The following MYO18B variants were observed in gnomAD, a reference collection of about 807,000 sequenced individuals.
MYO18B encodes the protein myosin XVIIIB.
Under a neutral mutation model 273.0 loss-of-function variants are expected in MYO18B, and 204 were observed. That is an observed-to-expected ratio of 0.75 (90% CI 0.67 to 0.84). The LOEUF (loss-of-function observed/expected upper bound fraction) is 0.84, where lower values mean the gene tolerates loss of function less well. Ranked by LOEUF, MYO18B falls within the 40% of genes least tolerant of loss-of-function variation. The pLI, the probability that MYO18B is intolerant of heterozygous loss-of-function variation, is 0.00. For synonymous variants in MYO18B, 1,330 were observed against 1,305.7 expected (o/e 1.02, Z -0.40); for missense variants, 3,212 against 3,287.6 (o/e 0.98, Z 0.56).
chr22:25,939,503 T>C (rs777934992), intron 34 of MYO18B, among the ~76,000 whole-genome samples: 1 of 152,222 alleles, frequency 6.6e-6, no homozygotes, highest in Non-Finnish European at 1.5e-5. Context: ...AGCAAAAATC[T>C]TGGTGTCAAC....
At chr22:25,882,756 A>G (rs1424938317) in intron 25 of MYO18B, among the ~76,000 whole-genome samples, 1 of 152,184 alleles carries the variant, frequency 6.6e-6, no homozygotes, top group African/African-American at 2.4e-5. Context: ...AAATTTTTAA[A>G]TAGTTTTAGA....
At chr22:25,876,071 T>A in intron 23 of MYO18B, 118 bp from the exon 24 acceptor site, 6 of 741,116 alleles carry the variant, frequency 8.1e-6, no homozygotes, top group Middle Eastern at 2.7e-4. Flanking sequence ...TCCAGTCCCT[T>A]CCACCGGGAA....
intron 17 of MYO18B, among the ~76,000 whole-genome samples, chr22:25,837,077 C>T (rs1454308169): frequency 6.6e-6 from 1 of 152,028 alleles, no homozygotes; most frequent in Non-Finnish European, 1.5e-5. Context: ...TGCTCGCATT[C>T]ATTCATTCCT....
At position 25,777,715 on chromosome 22, in the gene MYO18B, ACCT is replaced by A; in HGVS notation, c.2003_2005del (p.Thr668_Cys669delinsSer). 6.2e-7 allele frequency: 1 copy of A among 1,612,134 alleles called. No homozygotes were observed. Among genetic ancestry groups the A allele is most frequent in the Non-Finnish European group, 8.5e-7 (1 of 1,179,002 alleles). On this transcript the variant is annotated inframe_deletion, in exon 8 of 44. Transcript: ENST00000335473. ...GGGCTGGAGTGGCGCTGGGAAGACC[ACCT>A]GCTGTGAGCAGGTCCTGGAACACCT...
chr22:26,060,848 C>CATATACAT, the MYO18B span, among the ~76,000 whole-genome samples: 3 of 115,316 alleles, frequency 2.6e-5, no homozygotes, highest in South Asian at 4.9e-4. Flanking sequence ...ACAATATACA[C>CATATACAT]ATATACATAT....
At chr22:25,825,016 G>GAT (rs146322754) in intron 13 of MYO18B, among the ~76,000 whole-genome samples, 32,735 of 151,848 alleles carry the variant, frequency 0.22, 3,679 homozygotes, top group African/African-American at 0.23. Flanking sequence ...CATGTGCACA[G>GAT]ATATATATAT....
intron 11 of MYO18B, among the ~76,000 whole-genome samples, chr22:25,796,932 A>G (rs1486177239): frequency 6.6e-6 from 1 of 152,102 alleles, no homozygotes; most frequent in Non-Finnish European, 1.5e-5. Flanking sequence ...CCCACCTCCA[A>G]AAATAACTGC....
intron 10 of MYO18B, among the ~76,000 whole-genome samples, chr22:25,784,529 C>T (rs1168003081): frequency 1.3e-5 from 2 of 152,178 alleles, no homozygotes; most frequent in Non-Finnish European, 2.9e-5. Flanking sequence ...AGTCACGAGG[C>T]AGAGAGGGGT....
At position 25,926,213 on chromosome 22, in the gene MYO18B, A is replaced by G. The variant is rs1309156323; in HGVS notation, c.5517+4804A>G. ...GAGCAAGACTGCGTCTCAAAAAGAA[A>G]AGAAAAAAAAAGAAATTAGAACATG... On this transcript the variant is annotated intron_variant, in intron 34 of 43. Transcript: ENST00000335473. 3.9e-5 allele frequency among the ~76,000 whole-genome samples: 6 copies of G among 152,054 alleles called. No individual in the cohort carries two copies. The East Asian group carries it at 1.2e-3, about 29-fold the overall frequency.
chr22:25,983,459 A>G (rs2093169974), intron 39 of MYO18B: 2 of 152,244 alleles, frequency 1.3e-5, no homozygotes, highest in Admixed American at 1.3e-4. Context: ...ACGTAAGTGA[A>G]CAGTTTGATG....
At chr22:25,742,552 C>T (rs1347747585) in intron 1 of MYO18B, among the ~76,000 whole-genome samples, 1 of 152,026 alleles carries the variant, frequency 6.6e-6, no homozygotes, top group Non-Finnish European at 1.5e-5. Flanking sequence ...GAATCACTCT[C>T]CTCAGGCCCC....
chr22:26,041,978 A>G, the MYO18B span, among the ~76,000 whole-genome samples: 5 of 152,198 alleles, frequency 3.3e-5, no homozygotes, highest in Admixed American at 1.3e-4. Context: ...AATAGCGACT[A>G]TCTGCACCTT....
intron 37 of MYO18B, among the ~76,000 whole-genome samples, chr22:25,951,442 G>A (rs1330917957): frequency 6.6e-6 from 1 of 152,168 alleles, no homozygotes; most frequent in Non-Finnish European, 1.5e-5. Context: ...CTCTTGGCCT[G>A]TGCTTGTGCT....
rs11434878 is a variant in MYO18B, at chr22:25,993,904, A to ATT, written c.6287+1420_6287+1421dup. ...CTGAGGAAAGGCGTTACGGGTGACA[A>ATT]TTTTTTTTTTCTTCAAGTTTATTTA... On this transcript the variant is annotated intron_variant, in intron 40 of 43. Coordinates refer to ENST00000335473, the MANE Select transcript of MYO18B (RefSeq NM_032608.7). 1.5e-3 allele frequency among the ~76,000 whole-genome samples: 234 copies of ATT among 151,074 alleles called. 4 individuals are homozygous for ATT. The South Asian group carries it at 0.026, about 17-fold the overall frequency.
intron 39 of MYO18B, among the ~76,000 whole-genome samples, chr22:25,958,151 G>T (rs952393103): frequency 1.3e-5 from 2 of 152,026 alleles, no homozygotes; most frequent in Non-Finnish European, 2.9e-5. Flanking sequence ...CTGACCTCAG[G>T]TGATCCACCC....
At chr22:25,955,587 T>G (rs890389085) in intron 39 of MYO18B, among the ~76,000 whole-genome samples, 1 of 152,212 alleles carries the variant, frequency 6.6e-6, no homozygotes, top group Non-Finnish European at 1.5e-5. Context: ...TGACATTCAC[T>G]GCTGCCGGAT....
At chr22:25,912,757 A>G (rs149442661) in intron 33 of MYO18B, among the ~76,000 whole-genome samples, 162 of 152,178 alleles carry the variant, frequency 1.1e-3, no homozygotes, top group Admixed American at 2.2e-3. Context: ...CCTAATCTCA[A>G]TCCTGGCTCT....
chr22:25,974,711 CCT>C (rs1479130025), intron 39 of MYO18B, among the ~76,000 whole-genome samples: 2 of 152,194 alleles, frequency 1.3e-5, no homozygotes, highest in Admixed American at 1.3e-4. Flanking sequence ...AATTGCCACC[CCT>C]GTTTTGGAAC....
intron 29 of MYO18B, 111 bp from the exon 30 acceptor site, chr22:25,902,502 A>T: frequency 8.0e-7 from 1 of 1,244,994 alleles, no homozygotes; most frequent in Non-Finnish European, 1.1e-6. Flanking sequence ...CTCTCTTTCT[A>T]ATGGTTCTTG....
Sources: gnomAD v4.1 joint callset for allele counts (sites outside exome capture counted in the v4.1 genomes callset) on GRCh38, gnomAD v4.1.1 for gene constraint, MANE v1.5 for transcripts, NCBI Gene and HGNC (gene_info 2026-07-23, HGNC 2026-07-21) for gene names.